The following INTS4 variants were observed in gnomAD, a reference collection of about 807,000 sequenced individuals.
The protein encoded by INTS4 is integrator complex subunit 4.
INTS4 carries 70 observed loss-of-function variants against 119.5 expected under a neutral mutation model. That is an observed-to-expected ratio of 0.59 (90% CI 0.48 to 0.71). The LOEUF (loss-of-function observed/expected upper bound fraction) is 0.71, where lower values mean the gene tolerates loss of function less well. Ranked by LOEUF, INTS4 falls within the 30% of genes least tolerant of loss-of-function variation. The pLI, the probability that INTS4 is intolerant of heterozygous loss-of-function variation, is 0.00. For synonymous variants in INTS4, 316 were observed against 419.6 expected, an observed-to-expected ratio of 0.75 and a Z score of 3.02; for missense variants, 867 against 1,173.2, an observed-to-expected ratio of 0.74 and a Z score of 3.81.
intron 10 of INTS4, among the ~76,000 whole-genome samples, chr11:77,933,134 G>A (rs113505892): frequency 0.19 from 29,081 of 152,012 alleles, 2,827 homozygotes; most frequent in Middle Eastern, 0.23. Flanking sequence ...AATCTTAATG[G>A]CAAACTGAAA....
intron 1 of INTS4, among the ~76,000 whole-genome samples, chr11:77,991,615 T>C (rs1028915478): frequency 6.6e-6 from 1 of 151,824 alleles, no homozygotes; most frequent in African/African-American, 2.4e-5. Flanking sequence ...TCTTAACTCC[T>C]GGGCTCAAGC....
downstream of INTS4, chr11:77,876,835 T>C: frequency 1.7e-6 from 1 of 599,766 alleles, no homozygotes; most frequent in Non-Finnish European, 3.0e-6. Context: ...GGAGGATTTT[T>C]ATAAAAGGGG....
At chr11:77,890,708 A>G (rs1353799217) in intron 21 of INTS4, among the ~76,000 whole-genome samples, 1 of 152,232 alleles carries the variant, frequency 6.6e-6, no homozygotes, top group Non-Finnish European at 1.5e-5. Flanking sequence ...CACTTAGTGC[A>G]TGCAATAGAG....
At chr11:77,924,531 C>T (rs1188678772) in intron 12 of INTS4, 1 of 504,286 alleles carries the variant, frequency 2.0e-6, no homozygotes, top group Non-Finnish European at 3.6e-6. Flanking sequence ...ATAATATTTG[C>T]TAGGTGGATA....
rs1412224591 is a variant in INTS4, at chr11:77,981,596, T to A, written c.247-20A>T. ...ATTCTCCTGGAAAAAAAGAAGCAAT[T>A]GTCACTTTGATGCTTTACACTTAGC... On this transcript the variant is annotated intron_variant, in intron 2 of 22. Transcript: ENST00000534064. 7.3e-7 allele frequency: 1 copy of A among 1,374,188 alleles called. No individual in the cohort carries two copies. Among genetic ancestry groups the A allele is most frequent in the Non-Finnish European group, 1.0e-6 (1 of 981,504 alleles). The allele number at this position is 1,374,188 out of a possible 1,614,324, so 85.1% of individuals were successfully genotyped here. A position where few individuals can be genotyped will look rare whatever the true frequency, so the allele number is the denominator to read the frequency against.
intron 14 of INTS4, among the ~76,000 whole-genome samples, chr11:77,920,248 T>TAC (rs1360791580): frequency 1.2e-3 from 69 of 59,860 alleles, no homozygotes; most frequent in African/African-American, 5.0e-3. Context: ...TACATATATA[T>TAC]ACATATATAC....
chr11:77,930,706 C>T (rs1953625033), intron 10 of INTS4, among the ~76,000 whole-genome samples: 1 of 152,086 alleles, frequency 6.6e-6, no homozygotes. Flanking sequence ...ATATGTCGGC[C>T]AGGTATGTCA....
chr11:77,972,779 G>C (rs1198617292), intron 4 of INTS4, among the ~76,000 whole-genome samples: 1 of 150,698 alleles, frequency 6.6e-6, no homozygotes, highest in Non-Finnish European at 1.5e-5. Flanking sequence ...ATAGTATCTG[G>C]ATATTACTGG....
At chr11:77,891,496 G>A in intron 20 of INTS4, 34 bp from the exon 21 acceptor site, 1 of 1,611,808 alleles carries the variant, frequency 6.2e-7, no homozygotes, top group Non-Finnish European at 8.5e-7. Flanking sequence ...TGATTTTAAA[G>A]CCAGGTCATT....
At chr11:77,980,353 T>C (rs1856157067) in intron 3 of INTS4, among the ~76,000 whole-genome samples, 1 of 151,584 alleles carries the variant, frequency 6.6e-6, no homozygotes, top group Admixed American at 6.6e-5. Context: ...AGCAATGCTA[T>C]TGTTTTGGTG....
At chr11:77,892,273 C>G (rs1438075870) in intron 19 of INTS4, among the ~76,000 whole-genome samples, 1 of 152,152 alleles carries the variant, frequency 6.6e-6, no homozygotes, top group East Asian at 1.9e-4. Flanking sequence ...GTGGCAGAAA[C>G]ACTGAGACTC....
At chr11:77,878,637 T>C, downstream of INTS4, 1 of 616,402 alleles carries the variant, frequency 1.6e-6, no homozygotes, top group East Asian at 2.8e-5. Context: ...GTTTCACACC[T>C]GAGGAATAGC....
chr11:77,905,742 T>G (rs1395361393), intron 16 of INTS4, among the ~76,000 whole-genome samples: 1 of 152,234 alleles, frequency 6.6e-6, no homozygotes, highest in Admixed American at 6.5e-5. Flanking sequence ...GACTTGAGGT[T>G]GTTGGGCACA....
intron 19 of INTS4, among the ~76,000 whole-genome samples, chr11:77,893,663 C>G (rs1458824341): frequency 6.6e-6 from 1 of 152,068 alleles, no homozygotes; most frequent in African/African-American, 2.4e-5. Context: ...GAGGCCAAGG[C>G]AGGCAGATCA....
At chr11:77,911,553 A>G (rs915783929) in intron 15 of INTS4, among the ~76,000 whole-genome samples, 25 of 152,226 alleles carry the variant, frequency 1.6e-4, no homozygotes, top group African/African-American at 5.8e-4. Flanking sequence ...AGTTGTTCTG[A>G]AGTGCACAAA....
chr11:77,981,739 T>TTTTATTTA lies in INTS4; in HGVS notation c.247-171_247-164dup, dbSNP rs56771826. Among the ~76,000 whole-genome samples the TTTTATTTA allele has an allele frequency of 3.5e-3, 518 of 149,956 alleles. 3 individuals carry two copies. Among genetic ancestry groups the TTTTATTTA allele is most frequent in the African/African-American group, 0.011 (449 of 40,696 alleles). On this transcript the variant is annotated intron_variant, in intron 2 of 22. Coordinates refer to ENST00000534064, the MANE Select transcript of INTS4 (RefSeq NM_033547.4). Reference sequence around the variant, plus strand: ...ATATACTTCTGGAGAGACAGCTTTCTTTTATTTATTTATTTATTTATTTAT... The same window carrying TTTTATTTA: ...ATATACTTCTGGAGAGACAGCTTTCTTTTATTTATTTATTTATTTATTTATTTATTTAT...
intron 4 of INTS4, among the ~76,000 whole-genome samples, chr11:77,972,258 G>C (rs186511276): frequency 6.6e-6 from 1 of 151,762 alleles, no homozygotes; most frequent in Non-Finnish European, 1.5e-5. Context: ...ACCACCATTC[G>C]TGGCTAGTTT....
intron 4 of INTS4, among the ~76,000 whole-genome samples, chr11:77,969,655 T>G (rs1855636325): frequency 6.6e-6 from 1 of 152,036 alleles, no homozygotes. Context: ...ACTACAGGCA[T>G]GAGCTACTGC....
At chr11:77,919,690 T>A (rs1229112285) in intron 14 of INTS4, among the ~76,000 whole-genome samples, 1 of 152,272 alleles carries the variant, frequency 6.6e-6, no homozygotes, top group Non-Finnish European at 1.5e-5. Context: ...AGAATAATTT[T>A]TTTTTATTTT....
Sources: allele counts gnomAD v4.1 joint callset (sites outside exome capture counted in the v4.1 genomes callset), GRCh38; gene constraint gnomAD v4.1.1; transcripts MANE v1.5; gene names NCBI Gene and HGNC (gene_info 2026-07-23, HGNC 2026-07-21).